Variants in GCN1 observed in about 807,000 individuals in gnomAD.
GCN1 encodes the protein GCN1 activator of EIF2AK4.
A neutral mutation model predicts 288.4 loss-of-function variants in GCN1; 90 were observed. The ratio of observed to expected loss-of-function variants is 0.31; its 90% CI spans 0.26 to 0.37. The LOEUF is 0.37. GCN1 is among the 10% of genes least tolerant of loss of function. The probability of loss-of-function intolerance (pLI) is 1.00; values close to 1 mark genes in which losing one functional copy is unlikely to be tolerated. For missense variants in GCN1, 2,586 were observed against 3,419.9 expected (o/e 0.76, Z 6.08); for synonymous variants, 1,386 against 1,420.2 (o/e 0.98, Z 0.54).
At chr12:120,150,305 G>C (rs1877498051) in intron 34 of GCN1, among the ~76,000 whole-genome samples, 1 of 152,150 alleles carries the variant, frequency 6.6e-6, no homozygotes, top group Admixed American at 6.5e-5. Flanking sequence ...AGTTAAAAAA[G>C]CCAAACCTTG....
chr12:120,194,709 T>C lies in GCN1; in HGVS notation c.-12A>G. 1 of 1,508,900 alleles carries C rather than the reference T, an allele frequency of 6.6e-7. No homozygotes were observed. Among genetic ancestry groups the C allele is most frequent in the South Asian group, 1.2e-5 (1 of 81,564 alleles). The allele number at this position is 1,508,900 out of a possible 1,614,324, so 93.5% of individuals were successfully genotyped here. ...GTGTCCGCCGCCATCCTGCCGGGGC[T>C]GACTCCGGAACCGCTTCCGGAACGC... On this transcript the variant is annotated 5_prime_UTR_variant, in exon 1 of 58. Transcript: ENST00000300648.
intron 53 of GCN1, among the ~76,000 whole-genome samples, chr12:120,133,680 T>C (rs2139082535): frequency 6.6e-6 from 1 of 152,310 alleles, no homozygotes; most frequent in Middle Eastern, 3.4e-3. Context: ...AAAGTGGAAA[T>C]GAGAGGCAGA....
Position 120,134,380 on chromosome 12 carries a change from A to G in GCN1, c.7228T>C (p.Phe2410Leu). ...TTGGCCCCTGCTCCCTGAATCACAA[A>G]CCTCAGGGCCTGCAGCATGGTGTCC... ...VRDTMLQALR[F>L]VIQGAGAKVD... Residue 2410 changes from phenylalanine (F) to leucine (L), a missense_variant, in exon 53 of 58, where the codon TTT becomes CTT. Around this residue, in one of 8 missense-constraint regions of GCN1, gnomAD observed 355 missense variants for 431.1 expected, o/e 0.82. Transcript: ENST00000300648. The surrounding 1 kb of genome is among the most constrained non-coding windows in gnomAD (Gnocchi z 5.0). 6.2e-7 allele frequency: 1 copy of G among 1,613,564 alleles called. No homozygotes were observed. The highest frequency in any genetic ancestry group is 8.5e-7 in the Non-Finnish European group (1 of 1,179,686).
At chr12:120,138,183 C>G (rs1405021655) in intron 47 of GCN1, 139 bp from the exon 48 acceptor site, 7 of 950,556 alleles carry the variant, frequency 7.4e-6, no homozygotes, top group Non-Finnish European at 8.3e-6. Context: ...TGGAAGACAA[C>G]AGGGGAAGGA....
chr12:120,184,490 T>C (rs1878759423), intron 3 of GCN1, among the ~76,000 whole-genome samples: 1 of 152,196 alleles, frequency 6.6e-6, no homozygotes, highest in Admixed American at 6.5e-5. Context: ...GGAGCAGTTA[T>C]AAGGGTCTCA....
intron 2 of GCN1, among the ~76,000 whole-genome samples, chr12:120,189,153 T>A (rs1269486476): frequency 6.6e-6 from 1 of 152,092 alleles, no homozygotes; most frequent in Non-Finnish European, 1.5e-5. Context: ...CACTGCAACC[T>A]CCACTGCCTC....
chr12:120,179,973 C>T (rs913649764), intron 5 of GCN1, among the ~76,000 whole-genome samples: 4 of 152,142 alleles, frequency 2.6e-5, no homozygotes, highest in African/African-American at 9.7e-5. Flanking sequence ...TCACACCGTC[C>T]AACCCAGATT....
intron 14 of GCN1, among the ~76,000 whole-genome samples, chr12:120,171,722 A>C (rs1878320211): frequency 6.6e-6 from 1 of 152,172 alleles, no homozygotes. Flanking sequence ...GGCACTCTGC[A>C]TTCCTTTTTT....
Position 120,176,128 on chromosome 12 carries a change from G to C in GCN1, c.913+15C>G. 1 of 1,578,920 alleles carries C rather than the reference G, an allele frequency of 6.3e-7. No individual in the cohort carries two copies. The highest frequency in any genetic ancestry group is 8.7e-7 in the Non-Finnish European group (1 of 1,147,902). On this transcript the variant is annotated intron_variant, in intron 10 of 57. Coordinates refer to ENST00000300648, the MANE Select transcript of GCN1 (RefSeq NM_006836.2). ...AGGTGACACTTATGGGCTGGAGAGG[G>C]GCTGGGATACTCACCAGCCAGTCCT...
At position 120,158,424 on chromosome 12, in the gene GCN1, A is replaced by G; in HGVS notation, c.2905+36T>C. ...AGCAGCATTCCTGGCACCAGCTCAC[A>G]CCGCCTGGTGCCCCTGATCCCGTCC... On this transcript the variant is annotated intron_variant, in intron 25 of 57. Coordinates refer to ENST00000300648, the MANE Select transcript of GCN1 (RefSeq NM_006836.2). The surrounding 1 kb of genome is among the most constrained non-coding windows in gnomAD (Gnocchi z 4.3). 1 of 1,505,992 alleles carries G rather than the reference A, an allele frequency of 6.6e-7. No individual in the cohort carries two copies. Among genetic ancestry groups the G allele is most frequent in the Non-Finnish European group, 8.9e-7 (1 of 1,118,826 alleles). 93.3% of individuals were successfully genotyped at this position (1,505,992 alleles called of 1,614,324 possible).
Position 120,130,696 on chromosome 12 carries a change from C to T in GCN1, c.7621G>A (p.Glu2541Lys), listed in dbSNP as rs61739941. The T allele has an allele frequency of 6.9e-5, 112 of 1,614,042 alleles. No homozygotes were observed. The African/African-American group carries it at 1.3e-3, about 19-fold the overall frequency. Residue 2541 changes from glutamate (E) to lysine (K), a missense_variant, in exon 56 of 58, where the codon GAG becomes AAG. Around this residue, in one of 8 missense-constraint regions of GCN1, gnomAD observed 355 missense variants for 431.1 expected, o/e 0.82. Coordinates refer to ENST00000300648, the MANE Select transcript of GCN1 (RefSeq NM_006836.2). ...GCCGGCAACTGCCCTCCGCCTGTCT[C>T]GATGTGGTGTCTCATGAGAAAGCCC... ...GMGFLMRHHI[E>K]TGGGQLPAKL... is the part of the protein sequence containing the mutation.
rs761563368 is a variant in GCN1 at position 120,169,033 on chromosome 12, C to T, written c.1520-733G>A. Reference sequence around the variant, plus strand: ...AAGCCTGGCCGGGCGCAGTGGCTCACGCCTGTAATCCCAGCACATTGGGAG... The same window carrying T: ...AAGCCTGGCCGGGCGCAGTGGCTCATGCCTGTAATCCCAGCACATTGGGAG... On this transcript the variant is annotated intron_variant, in intron 15 of 57. Transcript: ENST00000300648. Among the ~76,000 whole-genome samples, 5 of 152,190 alleles carry T rather than the reference C, an allele frequency of 3.3e-5. No homozygotes were observed. In the East Asian group the frequency reaches 7.7e-4, roughly 23 times the overall value.
intron 57 of GCN1, among the ~76,000 whole-genome samples, chr12:120,128,835 A>ATTT (rs1876707330): frequency 8.1e-6 from 1 of 123,100 alleles, no homozygotes. Context: ...AGTCACCCAA[A>ATTT]TCTTTTTTTT....
At chr12:120,163,375 G>T in intron 18 of GCN1, 116 bp from the exon 19 acceptor site, 2 of 778,664 alleles carry the variant, frequency 2.6e-6, no homozygotes, top group Non-Finnish European at 4.2e-6. Context: ...TGGGGTCCTT[G>T]CTGGAGTAGA....
intron 2 of GCN1, among the ~76,000 whole-genome samples, chr12:120,185,767 A>AT (rs1221269771): frequency 6.6e-6 from 1 of 151,974 alleles, no homozygotes; most frequent in African/African-American, 2.4e-5. Flanking sequence ...CGCCCAGTTA[A>AT]TTTTTGTATT....
At position 120,184,897 on chromosome 12, in the gene GCN1, G is replaced by A. The variant is rs746091274; in HGVS notation, c.122-10C>T. 7.4e-5 allele frequency: 118 copies of A among 1,596,286 alleles called. No homozygotes were observed. The highest frequency in any genetic ancestry group is 9.8e-5 in the Non-Finnish European group (114 of 1,164,632). On this transcript the variant is annotated splice_polypyrimidine_tract_variant and intron_variant, in intron 2 of 57. Transcript: ENST00000300648. ...GCTCCCTCTGGAAGATCTGAAACCAGAGATTACACAGACAGCGGTCAATAA... is the reference window on the plus strand; with the variant it reads ...GCTCCCTCTGGAAGATCTGAAACCAAAGATTACACAGACAGCGGTCAATAA...
rs377229048 is a variant in GCN1, at chr12:120,151,159, A to T, written c.4295T>A (p.Phe1432Tyr). 4.3e-6 allele frequency: 7 copies of T among 1,613,488 alleles called. 1 individual carries two copies. The South Asian group carries it at 7.7e-5, about 18-fold the overall frequency. The part of the protein sequence containing the change: ...LTDAIQDKKN[F>Y]RRREGALFAF... ...GAGATGCTCACCCTCTCGCCGGCGG[A>T]AGTTCTTCTTATCTTGGATGGCATC... The change falls in exon 34 of 58, where the codon TTC (phenylalanine) becomes TAC (tyrosine). Residue 1432 changes from phenylalanine (F) to tyrosine (Y), a missense_variant. Coordinates refer to ENST00000300648, the MANE Select transcript of GCN1 (RefSeq NM_006836.2).
chr12:120,153,625 C>G lies in GCN1; in HGVS notation c.3867+119G>C, dbSNP rs1439347255. ...TTTGGCTCAAAGTGCTCTGCCAGGA[C>G]TCTTGGCACTCAGCATTTCTGGCCC... On this transcript the variant is annotated intron_variant, in intron 32 of 57. Transcript: ENST00000300648. The surrounding 1 kb of genome is among the most constrained non-coding windows in gnomAD (Gnocchi z 4.4). 4.9e-6 allele frequency: 5 copies of G among 1,018,566 alleles called. No homozygotes were observed. Among genetic ancestry groups the G allele is most frequent in the Non-Finnish European group, 5.9e-6 (4 of 675,966 alleles). The allele number at this position is 1,018,566 out of a possible 1,614,324, so 63.1% of individuals were successfully genotyped here.
intron 2 of GCN1, among the ~76,000 whole-genome samples, chr12:120,185,474 A>G (rs1318797040): frequency 6.6e-6 from 1 of 152,214 alleles, no homozygotes; most frequent in Non-Finnish European, 1.5e-5. Flanking sequence ...TTCAGAACAC[A>G]TGAAGAAGAA....
Sources: allele counts gnomAD v4.1 joint callset (sites outside exome capture counted in the v4.1 genomes callset), GRCh38; gene constraint gnomAD v4.1.1; regional missense constraint gnomAD v4.1.1; non-coding constraint Gnocchi (gnomAD v3.1); transcripts MANE v1.5; gene names NCBI Gene and HGNC (gene_info 2026-07-23, HGNC 2026-07-21).